ATAD5: variants seen among roughly 807,000 people sequenced by gnomAD.
ATAD5 encodes ATPase family AAA domain containing 5, also known as ATPase family AAA domain-containing protein 5.
In ATAD5, 58 loss-of-function variants were observed where a neutral mutation model predicts 176.9. The ratio of observed to expected loss-of-function variants is 0.33; its 90% CI spans 0.27 to 0.41. The LOEUF (loss-of-function observed/expected upper bound fraction) is 0.41, where lower values mean the gene tolerates loss of function less well. ATAD5 is among the 10% of genes least tolerant of loss of function. ATAD5 has a pLI of 1.00. For missense variants in ATAD5, 1,789 were observed against 2,094.1 expected (o/e 0.85, Z 2.84); for synonymous variants, 640 against 712.6 (o/e 0.90, Z 1.62).
rs1292377418 is a variant in ATAD5 at position 30,895,264 on chromosome 17, A to C, written c.*351A>C. On this transcript the variant is annotated 3_prime_UTR_variant, in exon 23 of 23. Coordinates refer to ENST00000321990, the MANE Select transcript of ATAD5 (RefSeq NM_024857.5). ...ATTCAGATACATTATCTTGGCTGCT[A>C]ACATTAGTGTCACTAAAGTTGGTAT... 1 of 161,142 alleles carries C rather than the reference A, an allele frequency of 6.2e-6. No homozygotes were observed. The highest frequency in any genetic ancestry group is 1.3e-5 in the Non-Finnish European group (1 of 74,310). 10.0% of individuals were successfully genotyped at this position (161,142 alleles called of 1,614,324 possible).
chr17:30,850,833 TTATATATATATATATATATATATA>T (rs1312470807), intron 6 of ATAD5, among the ~76,000 whole-genome samples: 19 of 27,838 alleles, frequency 6.8e-4, no homozygotes, highest in African/African-American at 9.7e-4. Context: ...TTATATATTT[TTATATATATATATATATATATATA>T]TATATATATA....
In ATAD5 at chr17:30,894,782, C is replaced by T. The variant is rs1449420285; in HGVS notation, c.5457-53C>T. 9.0e-6 allele frequency: 14 copies of T among 1,551,844 alleles called. No individual in the cohort carries two copies. In the Middle Eastern group the frequency reaches 5.2e-4, roughly 58 times the overall value. On this transcript the variant is annotated intron_variant, in intron 22 of 22. Coordinates refer to ENST00000321990, the MANE Select transcript of ATAD5 (RefSeq NM_024857.5). ...CTTTTTCAAGATTAATACATATTTT[C>T]ATAAGATGAAAATGTTAATATTAAA...
At chr17:30,839,100 G>A (rs557949954) in intron 3 of ATAD5, among the ~76,000 whole-genome samples, 1 of 152,144 alleles carries the variant, frequency 6.6e-6, no homozygotes, top group African/African-American at 2.4e-5. Context: ...TGCTGTGCTG[G>A]TTGGTATTCA....
intron 19 of ATAD5, 103 bp downstream of exon 19, chr17:30,887,475 G>T: frequency 1.1e-6 from 1 of 933,386 alleles, no homozygotes; most frequent in Non-Finnish European, 1.6e-6. Flanking sequence ...CCAGCACTTT[G>T]GGGGAGTGAG....
At chr17:30,839,655 C>G (rs1905973190) in intron 3 of ATAD5, among the ~76,000 whole-genome samples, 1 of 128,858 alleles carries the variant, frequency 7.8e-6, no homozygotes, top group South Asian at 2.7e-4. Flanking sequence ...TTTTGGCTCA[C>G]TGCAACCTCG....
Position 30,835,436 on chromosome 17 carries a change from T to G in ATAD5, c.1355T>G (p.Ile452Ser). ...NSKKIMENSG[I>S]QMVSKNGNLQ... Reference sequence around the variant, plus strand: ...AAAAAAATCATGGAAAATTCTGGTATCCAAATGGTTTCAAAAAATGGCAAT... The same window carrying G: ...AAAAAAATCATGGAAAATTCTGGTAGCCAAATGGTTTCAAAAAATGGCAAT... Residue 452 changes from isoleucine to serine, a missense_variant, in exon 2 of 23, where the codon ATC becomes AGC. By Grantham distance (142) the Ile-to-Ser change is moderately radical. This residue lies in a region of ATAD5 where 696 missense variants were observed against 712.5 expected (regional missense o/e 0.98). Transcript: ENST00000321990. 1.4e-5 allele frequency: 23 copies of G among 1,611,896 alleles called. No individual in the cohort carries two copies. Among genetic ancestry groups the G allele is most frequent in the Non-Finnish European group, 2.0e-5 (23 of 1,179,442 alleles).
intron 7 of ATAD5, among the ~76,000 whole-genome samples, chr17:30,855,725 G>A (rs115686834): frequency 0.027 from 4,041 of 152,022 alleles, 197 homozygotes; most frequent in African/African-American, 0.092. Flanking sequence ...TGGGCATGAC[G>A]GTGTATGCCT....
intron 2 of ATAD5, among the ~76,000 whole-genome samples, chr17:30,836,811 G>A (rs1464430541): frequency 1.3e-5 from 2 of 151,730 alleles, no homozygotes; most frequent in South Asian, 2.1e-4. Context: ...CAAGTGATCT[G>A]CCTGCCTCGG....
chr17:30,846,866 A>G (rs1567681821), intron 6 of ATAD5, among the ~76,000 whole-genome samples: 1 of 151,202 alleles, frequency 6.6e-6, no homozygotes, highest in Non-Finnish European at 1.5e-5. Context: ...GATTACAGGC[A>G]TGTGCCACCA....
chr17:30,840,824 T>G (rs776429113), intron 4 of ATAD5, 43 bp downstream of exon 4: 18 of 1,553,200 alleles, frequency 1.2e-5, no homozygotes, highest in African/African-American at 1.4e-5. Flanking sequence ...CTCTCCTATT[T>G]TGCTGTTTGG....
intron 14 of ATAD5, among the ~76,000 whole-genome samples, chr17:30,871,287 C>G (rs907935653): frequency 2.0e-5 from 3 of 150,900 alleles, no homozygotes; most frequent in Non-Finnish European, 4.4e-5. Flanking sequence ...GGTTTTTGAA[C>G]ATATGGAATA....
chr17:30,887,412 C>T, intron 19 of ATAD5, 40 bp downstream of exon 19: 3 of 1,534,412 alleles, frequency 2.0e-6, no homozygotes, highest in Non-Finnish European at 2.7e-6. Context: ...TATTATGGGA[C>T]CCTATTTAAA....
At chr17:30,846,253 T>C (rs1906491551) in intron 6 of ATAD5, among the ~76,000 whole-genome samples, 2 of 152,166 alleles carry the variant, frequency 1.3e-5, no homozygotes, top group South Asian at 2.1e-4. Context: ...ATAAACTTCA[T>C]ATATATATTA....
chr17:30,855,968 T>C (rs1443766188), intron 7 of ATAD5, among the ~76,000 whole-genome samples: 1 of 152,198 alleles, frequency 6.6e-6, no homozygotes, highest in Non-Finnish European at 1.5e-5. Context: ...TCTCTGCCAC[T>C]GGCCATTCAG....
intron 19 of ATAD5, among the ~76,000 whole-genome samples, chr17:30,889,477 G>GTA (rs200413318): frequency 4.9e-4 from 73 of 150,178 alleles, no homozygotes; most frequent in East Asian, 2.9e-3. Flanking sequence ...TTCTATATGA[G>GTA]TATATATATA....
chr17:30,883,191 C>T (rs1288138029), intron 18 of ATAD5, among the ~76,000 whole-genome samples: 1 of 147,546 alleles, frequency 6.8e-6, no homozygotes, highest in African/African-American at 2.5e-5. Flanking sequence ...GTGGCTCAGT[C>T]TCAGCTCACT....
chr17:30,835,382 T>C lies in ATAD5; in HGVS notation c.1301T>C (p.Leu434Pro). The stretch of plus-strand genomic sequence containing the variant: ...CAGAAAGACCTTAATGAAAAATGTC[T>C]ATATGAAGTAGGAAGAGATGATAAT... Reference protein sequence around the residue: ...DKQKDLNEKCLYEVGRDDNSK... With the variant: ...DKQKDLNEKCPYEVGRDDNSK... Residue 434 changes from leucine to proline, a missense_variant, in exon 2 of 23, where the codon CTA becomes CCA. This residue lies in a region of ATAD5 where 696 missense variants were observed against 712.5 expected (regional missense o/e 0.98). Transcript: ENST00000321990. 8 of 1,610,904 alleles carry C rather than the reference T, an allele frequency of 5.0e-6. No individual in the cohort carries two copies. The highest frequency in any genetic ancestry group is 6.8e-6 in the Non-Finnish European group (8 of 1,179,196).
intron 6 of ATAD5, among the ~76,000 whole-genome samples, chr17:30,847,717 ATTTTTTT>A (rs755487967): frequency 9.8e-6 from 1 of 101,684 alleles, no homozygotes; most frequent in African/African-American, 3.5e-5. Flanking sequence ...TGCTATGAAC[ATTTTTTT>A]TTTTTTTTTT....
intron 4 of ATAD5, among the ~76,000 whole-genome samples, chr17:30,842,411 C>T (rs1906181259): frequency 6.6e-6 from 1 of 151,964 alleles, no homozygotes; most frequent in Non-Finnish European, 1.5e-5. Flanking sequence ...GTTGATGGTG[C>T]ACTCACCATG....
Sources: allele counts gnomAD v4.1 joint callset (sites outside exome capture counted in the v4.1 genomes callset), GRCh38; gene constraint gnomAD v4.1.1; regional missense constraint gnomAD v4.1.1; transcripts MANE v1.5; gene names NCBI Gene and HGNC (gene_info 2026-07-23, HGNC 2026-07-21).